Variants in IMMT observed in about 807,000 individuals in gnomAD.
IMMT encodes the protein MICOS complex subunit MIC60.
A neutral mutation model predicts 92.7 loss-of-function variants in IMMT; 40 were observed. That is an observed-to-expected ratio of 0.43 (90% CI 0.34 to 0.56). The LOEUF is 0.56. Ranked by LOEUF, IMMT falls within the 20% of genes least tolerant of loss-of-function variation. The probability of loss-of-function intolerance (pLI) is 0.03; values close to 1 mark genes in which losing one functional copy is unlikely to be tolerated. For missense variants in IMMT, 831 were observed against 912.1 expected (o/e 0.91, Z 1.14); for synonymous variants, 322 against 336.1 (o/e 0.96, Z 0.46).
chr2:86,155,270 C>T (rs563652944), intron 10 of IMMT, among the ~76,000 whole-genome samples: 4 of 152,192 alleles, frequency 2.6e-5, no homozygotes, highest in South Asian at 2.1e-4. Flanking sequence ...CCTCCTACAC[C>T]GTCAATCTCA....
rs1677679633 is a variant in IMMT at position 86,179,442 on chromosome 2, T to C, written c.300A>G (p.Pro100=). The C allele has an allele frequency of 1.9e-6, 3 of 1,583,018 alleles. No homozygotes were observed. In the African/African-American group the frequency reaches 4.1e-5, roughly 22 times the overall value. The stretch of plus-strand genomic sequence containing the variant: ...TGTTTAAAACTCTTACCGATTTCTT[T>C]GGCAATGGAACATTATAAGCTGCAG... ...LGPAAYNVPL[P]KKSIQSGPLK... is the part of the protein sequence containing the mutation. Residue 100 remains proline, a synonymous_variant, in exon 3 of 15, where the codon CCA becomes CCG. Transcript: ENST00000410111.
intron 14 of IMMT, 89 bp from the exon 15 acceptor site, chr2:86,144,970 TC>T (rs1674882616): frequency 7.0e-7 from 1 of 1,420,976 alleles, no homozygotes; most frequent in East Asian, 2.3e-5. Flanking sequence ...ACAAGCTACA[TC>T]TACACATGTG....
At chr2:86,186,616 C>A (rs1377722789) in intron 1 of IMMT, among the ~76,000 whole-genome samples, 1 of 152,154 alleles carries the variant, frequency 6.6e-6, no homozygotes, top group Non-Finnish European at 1.5e-5. Flanking sequence ...GATGGGTGAT[C>A]CAGCCAACAG....
chr2:86,153,304 TAC>T (rs10572745), intron 11 of IMMT, among the ~76,000 whole-genome samples: 15,164 of 143,792 alleles, frequency 0.11, 870 homozygotes, highest in Non-Finnish European at 0.14. Flanking sequence ...CAATCCATAT[TAC>T]ACACACACAC....
At chr2:86,175,690 C>G (rs10496318) in intron 3 of IMMT, among the ~76,000 whole-genome samples, 55,860 of 148,170 alleles carry the variant, frequency 0.38, 12,792 homozygotes, top group Non-Finnish European at 0.51. Flanking sequence ...CAAGTTGACA[C>G]GATGTTTAAC....
At chr2:86,155,954 A>C (rs530510897) in intron 10 of IMMT, among the ~76,000 whole-genome samples, 5 of 152,320 alleles carry the variant, frequency 3.3e-5, no homozygotes, top group Non-Finnish European at 5.9e-5. Flanking sequence ...TTGTATTGTG[A>C]ATATATACTC....
chr2:86,155,818 A>C (rs1675814796), intron 10 of IMMT, among the ~76,000 whole-genome samples: 1 of 152,204 alleles, frequency 6.6e-6, no homozygotes. Context: ...ACATCCACGG[A>C]GGGCTAGGGT....
intron 11 of IMMT, among the ~76,000 whole-genome samples, chr2:86,153,265 T>C (rs980125459): frequency 6.6e-6 from 1 of 151,156 alleles, no homozygotes; most frequent in Non-Finnish European, 1.5e-5. Flanking sequence ...TACTTTTTAA[T>C]GTTTGAAATT....
intron 1 of IMMT, among the ~76,000 whole-genome samples, chr2:86,186,931 A>G (rs111478472): frequency 1.2e-4 from 19 of 152,308 alleles, no homozygotes; most frequent in African/African-American, 4.3e-4. Flanking sequence ...TCTTGGGCCA[A>G]TGGAAGCCTC....
chr2:86,160,584 A>G (rs1423901192), intron 8 of IMMT, among the ~76,000 whole-genome samples: 1 of 152,168 alleles, frequency 6.6e-6, no homozygotes, highest in Non-Finnish European at 1.5e-5. Context: ...CTTCTCTACT[A>G]ATAATAAATA....
At chr2:86,179,296 A>G (rs1181183146) in intron 3 of IMMT, 137 bp downstream of exon 3, 2 of 650,054 alleles carry the variant, frequency 3.1e-6, no homozygotes, top group Non-Finnish European at 2.6e-6. Flanking sequence ...TTGAGCATCC[A>G]TGGGATTTTT....
chr2:86,156,423 C>A (rs1160636158), intron 10 of IMMT, among the ~76,000 whole-genome samples: 1 of 151,880 alleles, frequency 6.6e-6, no homozygotes, highest in African/African-American at 2.4e-5. Context: ...GAAACCCAGT[C>A]TCTACTAAAA....
intron 4 of IMMT, among the ~76,000 whole-genome samples, chr2:86,173,318 C>T (rs575384867): frequency 3.3e-5 from 5 of 152,202 alleles, no homozygotes; most frequent in South Asian, 2.1e-4. Flanking sequence ...TGGTGGCTCA[C>T]GCCTGTAATC....
chr2:86,169,198 A>G (rs1437215743), intron 6 of IMMT, among the ~76,000 whole-genome samples: 5 of 152,246 alleles, frequency 3.3e-5, no homozygotes, highest in Non-Finnish European at 1.5e-5. Flanking sequence ...AACAGCAGAC[A>G]TCTCCATCTT....
At chr2:86,146,606 G>A (rs888035370) in intron 13 of IMMT, among the ~76,000 whole-genome samples, 3 of 151,964 alleles carry the variant, frequency 2.0e-5, no homozygotes, top group Non-Finnish European at 2.9e-5. Context: ...CTCGTGATCC[G>A]CCCACCTCGG....
chr2:86,176,857 A>C (rs935780827), intron 3 of IMMT, among the ~76,000 whole-genome samples: 1 of 152,234 alleles, frequency 6.6e-6, no homozygotes, highest in Non-Finnish European at 1.5e-5. Context: ...AACAGCTTCC[A>C]GCTATTTTTT....
At chr2:86,195,311 C>A (rs1186699670) in intron 1 of IMMT, 27 bp downstream of exon 1, 2 of 1,530,136 alleles carry the variant, frequency 1.3e-6, no homozygotes, top group African/African-American at 2.8e-5. Context: ...AGCCTCCTCA[C>A]GCGCCTCCGG....
chr2:86,159,322 T>G (rs1676093296), intron 9 of IMMT: 1 of 598,076 alleles, frequency 1.7e-6, no homozygotes, highest in South Asian at 1.6e-5. Context: ...TGGGCTCAAG[T>G]TATCTGCCCA....
rs911981224 is a variant in IMMT, at chr2:86,195,379, G to A, written c.4C>T (p.Leu2=). 1.3e-6 allele frequency: 2 copies of A among 1,549,222 alleles called. No homozygotes were observed. Among genetic ancestry groups the A allele is most frequent in the Non-Finnish European group, 1.7e-6 (2 of 1,146,348 alleles). The part of the protein sequence containing the change: M[L]RACQLSGVTA... Reference sequence around the variant, plus strand: ...ACACCCGATAACTGACAGGCCCGCAGCATCTCGGTCAAGCGGACGGCGCTG... The same window carrying A: ...ACACCCGATAACTGACAGGCCCGCAACATCTCGGTCAAGCGGACGGCGCTG... The change falls in exon 1 of 15, where the codon CTG becomes TTG. Residue 2 remains leucine (L), a synonymous_variant. Coordinates refer to ENST00000410111, the MANE Select transcript of IMMT (RefSeq NM_006839.3).
Sources: allele counts gnomAD v4.1 joint callset (sites outside exome capture counted in the v4.1 genomes callset), GRCh38; gene constraint gnomAD v4.1.1; transcripts MANE v1.5; gene names NCBI Gene and HGNC (gene_info 2026-07-23, HGNC 2026-07-21).